The following ATP8A1 variants were observed in gnomAD, a reference collection of about 807,000 sequenced individuals.
ATP8A1 encodes phospholipid-transporting ATPase IA.
In ATP8A1, 90 loss-of-function variants were observed where a neutral mutation model predicts 177.7. That is an observed-to-expected ratio of 0.51 (90% confidence interval 0.43 to 0.60). The LOEUF is 0.60. Among genes scored for constraint, ATP8A1 ranks in the 20% least tolerant of loss-of-function variants. The pLI is 0.00. For missense variants in ATP8A1, 1,072 were observed against 1,392.8 expected (o/e 0.77, Z 3.67); for synonymous variants, 493 against 485.9 (o/e 1.01, Z -0.19).
intron 15 of ATP8A1, among the ~76,000 whole-genome samples, chr4:42,567,151 A>G (rs1436953882): frequency 2.6e-5 from 4 of 152,244 alleles, no homozygotes; most frequent in African/African-American, 7.2e-5. Flanking sequence ...AACCTTGGAC[A>G]CAGTAGCAGC....
At chr4:42,466,672 A>G (rs1178344988) in intron 25 of ATP8A1, among the ~76,000 whole-genome samples, 3 of 152,252 alleles carry the variant, frequency 2.0e-5, no homozygotes, top group African/African-American at 7.2e-5. Context: ...ACAGTCTGGC[A>G]ATAGTACAAA....
At chr4:42,468,972 T>G (rs75279005) in intron 25 of ATP8A1, among the ~76,000 whole-genome samples, 2 of 152,150 alleles carry the variant, frequency 1.3e-5, no homozygotes, top group Non-Finnish European at 2.9e-5. Flanking sequence ...CAAACTGTGA[T>G]GCAGGTCAAA....
intron 22 of ATP8A1, among the ~76,000 whole-genome samples, chr4:42,507,795 A>C (rs796517275): frequency 2.3e-4 from 32 of 140,614 alleles, no homozygotes; most frequent in Middle Eastern, 3.5e-3. Flanking sequence ...AAAAAAAAAA[A>C]AAAAAAAAAA....
intron 14 of ATP8A1, among the ~76,000 whole-genome samples, chr4:42,570,701 T>C (rs979743982): frequency 3.3e-5 from 5 of 152,214 alleles, no homozygotes; most frequent in Non-Finnish European, 1.5e-5. Flanking sequence ...TTCCCTGTTA[T>C]TGCTGCTCCA....
At chr4:42,646,236 C>G (rs1417914399) in intron 1 of ATP8A1, among the ~76,000 whole-genome samples, 1 of 152,204 alleles carries the variant, frequency 6.6e-6, no homozygotes, top group Non-Finnish European at 1.5e-5. Context: ...GGTTGGGAAC[C>G]AGCATCTTGT....
intron 29 of ATP8A1, among the ~76,000 whole-genome samples, chr4:42,453,604 T>C (rs927152213): frequency 5.9e-5 from 9 of 152,228 alleles, no homozygotes; most frequent in Non-Finnish European, 1.5e-5. Context: ...CACAAAAATG[T>C]GTCCAAGTTG....
At chr4:42,636,197 C>G (rs553106005) in intron 1 of ATP8A1, among the ~76,000 whole-genome samples, 30 of 145,470 alleles carry the variant, frequency 2.1e-4, no homozygotes, top group African/African-American at 7.3e-4. Flanking sequence ...TGGATCAAAA[C>G]AATTCTTGGC....
intron 1 of ATP8A1, among the ~76,000 whole-genome samples, chr4:42,632,767 C>T (rs936798864): frequency 6.6e-5 from 10 of 152,170 alleles, no homozygotes; most frequent in African/African-American, 2.4e-4. Flanking sequence ...CATCACTTAA[C>T]CCACTTAGGG....
At chr4:42,550,674 G>C (rs1729413796) in intron 18 of ATP8A1, among the ~76,000 whole-genome samples, 1 of 152,188 alleles carries the variant, frequency 6.6e-6, no homozygotes, top group Non-Finnish European at 1.5e-5. Flanking sequence ...GTTCATGCCT[G>C]TAATCCCAGT....
At position 42,455,425 on chromosome 4, in the gene ATP8A1, G is replaced by A; in HGVS notation, c.2695-6C>T. On this transcript the variant is annotated splice_region_variant and splice_polypyrimidine_tract_variant and intron_variant, in intron 28 of 36. Transcript: ENST00000381668. ...GGAGGCATTGCTGTAAACATCTAAA[G>A]CGCACAAACTGGTCATTATGTCAAG... The A allele has an allele frequency of 2.5e-6, 4 of 1,613,792 alleles. No homozygotes were observed. The highest frequency in any genetic ancestry group is 1.1e-5 in the South Asian group (1 of 91,052).
At chr4:42,454,223 A>AT (rs1456709518) in intron 29 of ATP8A1, among the ~76,000 whole-genome samples, 8 of 152,216 alleles carry the variant, frequency 5.3e-5, no homozygotes, top group Non-Finnish European at 7.3e-5. Context: ...TCTCAGAAGA[A>AT]TAATGTCTTG....
At position 42,656,893 on chromosome 4, in the gene ATP8A1, G is replaced by A; in HGVS notation, c.-20C>T. The stretch of plus-strand genomic sequence containing the variant: ...GGGCATCGCGGCGGCGGCTGCAGGT[G>A]GGTCCTCAGCCCGGACTCTGCACCT... On this transcript the variant is annotated 5_prime_UTR_variant, in exon 1 of 37. Coordinates refer to ENST00000381668, the MANE Select transcript of ATP8A1 (RefSeq NM_006095.2). 3.2e-6 allele frequency: 5 copies of A among 1,574,270 alleles called. No homozygotes were observed. The highest frequency in any genetic ancestry group is 4.3e-6 in the Non-Finnish European group (5 of 1,160,354).
intron 15 of ATP8A1, 147 bp downstream of exon 15, chr4:42,569,013 AC>A (rs1731632598): frequency 3.5e-6 from 1 of 284,786 alleles, no homozygotes; most frequent in Admixed American, 5.3e-5. Context: ...AGAAATATCT[AC>A]TTTACAGCAT....
chr4:42,605,936 A>G (rs1017766871), intron 5 of ATP8A1, among the ~76,000 whole-genome samples: 1 of 152,220 alleles, frequency 6.6e-6, no homozygotes, highest in Non-Finnish European at 1.5e-5. Flanking sequence ...ACAAGGTAAA[A>G]GCTGACATTC....
At chr4:42,557,755 A>C (rs1730391990) in intron 15 of ATP8A1, among the ~76,000 whole-genome samples, 1 of 152,162 alleles carries the variant, frequency 6.6e-6, no homozygotes, top group Admixed American at 6.5e-5. Context: ...AAAAAACCCC[A>C]AAACAGGCTG....
At chr4:42,447,200 T>A (rs1018358232) in intron 30 of ATP8A1, among the ~76,000 whole-genome samples, 2 of 152,220 alleles carry the variant, frequency 1.3e-5, no homozygotes, top group South Asian at 2.1e-4. Flanking sequence ...TTATTTATTT[T>A]TTTTAGACGG....
intron 27 of ATP8A1, among the ~76,000 whole-genome samples, chr4:42,458,275 C>A (rs1018522326): frequency 2.0e-5 from 3 of 152,100 alleles, no homozygotes; most frequent in Admixed American, 6.5e-5. Flanking sequence ...AAGAAAACAC[C>A]GGTCCCTCTG....
In ATP8A1 at chr4:42,586,263, GATA is replaced by G. The variant is rs1733603899; in HGVS notation, c.722+83_722+85del. The stretch of plus-strand genomic sequence containing the variant: ...AGGACTCAAACTTAGCACACAAGAA[GATA>G]ATATGTATCCAGACTTAGAAGACAC... On this transcript the variant is annotated intron_variant, in intron 9 of 36. Transcript: ENST00000381668. 7 of 1,479,348 alleles carry G rather than the reference GATA, an allele frequency of 4.7e-6. No individual in the cohort carries two copies. In the South Asian group the frequency reaches 7.9e-5, roughly 17 times the overall value. 91.6% of individuals were successfully genotyped at this position (1,479,348 alleles called of 1,614,324 possible).
At position 42,601,996 on chromosome 4, in the gene ATP8A1, A is replaced by ATT. The variant is rs59533758; in HGVS notation, c.410-1480_410-1479dup. On this transcript the variant is annotated intron_variant, in intron 5 of 36. Transcript: ENST00000381668. ...TGAACACATACATTATGTCTTAGCCATTTTTTTTTTATTACTTGTACTTGC... is the reference window on the plus strand; with the variant it reads ...TGAACACATACATTATGTCTTAGCCATTTTTTTTTTTTATTACTTGTACTTGC... Among the ~76,000 whole-genome samples the ATT allele has an allele frequency of 8.9e-3, 1,214 of 137,120 alleles. 19 individuals carry two copies. The highest frequency in any genetic ancestry group is 0.029 in the African/African-American group (1,124 of 38,230). 90.0% of individuals were successfully genotyped at this position (137,120 alleles called of 152,430 possible). A position where few individuals can be genotyped will look rare whatever the true frequency, so the allele number is the denominator to read the frequency against.
Sources: gnomAD v4.1 joint callset for allele counts (sites outside exome capture counted in the v4.1 genomes callset) on GRCh38, gnomAD v4.1.1 for gene constraint, MANE v1.5 for transcripts, NCBI Gene and HGNC (gene_info 2026-07-23, HGNC 2026-07-21) for gene names.